SV2B: variants seen among roughly 807,000 people sequenced by gnomAD.
SV2B encodes the protein synaptic vesicle glycoprotein 2B, also known as solute carrier family 22 member B2.
Under a neutral mutation model 73.9 loss-of-function variants are expected in SV2B, and 41 were observed. The observed-to-expected ratio is 0.56, with a 90% CI of 0.43 to 0.72. SV2B has a LOEUF of 0.72. Ranked by LOEUF, SV2B falls within the 30% of genes least tolerant of loss-of-function variation. The pLI, the probability that SV2B is intolerant of heterozygous loss-of-function variation, is 0.00. For missense variants in SV2B, 764 were observed against 857.8 expected, an observed-to-expected ratio of 0.89 and a Z score of 1.37; for synonymous variants, 314 against 314.2, an observed-to-expected ratio of 1.00 and a Z score of 0.01.
At chr15:91,199,523 C>G (rs550034656) in intron 1 of SV2B, among the ~76,000 whole-genome samples, 2 of 152,350 alleles carry the variant, frequency 1.3e-5, no homozygotes, top group East Asian at 3.9e-4. Context: ...TGCTAAAACA[C>G]AGCGCCTCTG....
intron 1 of SV2B, among the ~76,000 whole-genome samples, chr15:91,107,233 A>G (rs1392121490): frequency 6.6e-6 from 1 of 152,146 alleles, no homozygotes; most frequent in Non-Finnish European, 1.5e-5. Flanking sequence ...GCTAGGATGG[A>G]GCAGTGGGCT....
In SV2B at chr15:91,130,983, G is replaced by A. The variant is rs1202070512; in HGVS notation, c.-392+30620G>A. 6.6e-6 allele frequency among the ~76,000 whole-genome samples: 1 copy of A among 152,072 alleles called. No individual in the cohort carries two copies. Among genetic ancestry groups the A allele is most frequent in the South Asian group, 2.1e-4 (1 of 4,808 alleles). ...GGAGGGTGTGGGGCTGAGAGCAGTC[G>A]GGGGTTAGCCTTAGAAAAGGGTAGC... On this transcript the variant is annotated intron_variant, in intron 1 of 12. Coordinates refer to ENST00000394232, the MANE Select transcript of SV2B (RefSeq NM_001323032.3). The surrounding 1 kb of genome is among the most constrained non-coding windows in gnomAD (Gnocchi z 5.6).
At chr15:91,168,295 G>A (rs141817341) in intron 1 of SV2B, among the ~76,000 whole-genome samples, 1,144 of 81,178 alleles carry the variant, frequency 0.014, 15 homozygotes, top group African/African-American at 0.048. Flanking sequence ...GCAAAATGGT[G>A]AGATACGAGA....
chr15:91,210,482 C>T (rs1038327203), intron 1 of SV2B, among the ~76,000 whole-genome samples: 1 of 152,138 alleles, frequency 6.6e-6, no homozygotes, highest in Non-Finnish European at 1.5e-5. Flanking sequence ...AGGCTAAAGT[C>T]AGAGCAGAGG....
At chr15:91,173,288 G>A (rs1017250527) in intron 1 of SV2B, among the ~76,000 whole-genome samples, 20 of 152,200 alleles carry the variant, frequency 1.3e-4, no homozygotes, top group Non-Finnish European at 2.1e-4. Context: ...GGAGAGTGCA[G>A]GAGAAGGAGT....
intron 2 of SV2B, among the ~76,000 whole-genome samples, chr15:91,230,630 C>T (rs545270803): frequency 4.6e-4 from 70 of 152,202 alleles, no homozygotes; most frequent in Non-Finnish European, 4.0e-4. Flanking sequence ...TGCTTAGTGT[C>T]CAGGAGTTGG....
chr15:91,126,584 A>C (rs2042490026), intron 1 of SV2B, among the ~76,000 whole-genome samples: 1 of 152,228 alleles, frequency 6.6e-6, no homozygotes, highest in South Asian at 2.1e-4. Flanking sequence ...AATACCTCGG[A>C]TATATAGACA....
chr15:91,289,640 C>T lies in SV2B; in HGVS notation c.1828C>T (p.Leu610=). 6.2e-7 allele frequency: 1 copy of T among 1,614,044 alleles called. No homozygotes were observed. The highest frequency in any genetic ancestry group is 8.5e-7 in the Non-Finnish European group (1 of 1,180,044). ...CGTSIAAWNA[L]DVITVELYPT... is the part of the protein sequence containing the mutation. ...GACAAGCATTGCAGCCTGGAATGCT[C>T]TGGATGTGATCACAGTGGAGCTGTA... Residue 610 remains leucine (L), a synonymous_variant, in exon 12 of 13, where the codon CTG becomes TTG. Transcript: ENST00000394232. The surrounding 1 kb of genome is among the most constrained non-coding windows in gnomAD (Gnocchi z 4.9).
intron 1 of SV2B, among the ~76,000 whole-genome samples, chr15:91,219,286 G>A (rs1349710448): frequency 1.3e-5 from 2 of 152,170 alleles, no homozygotes; most frequent in African/African-American, 4.8e-5. Flanking sequence ...AGATTGGACA[G>A]AGCCTGGTGA....
chr15:91,257,906 C>T (rs1347425827), intron 4 of SV2B, among the ~76,000 whole-genome samples: 1 of 152,164 alleles, frequency 6.6e-6, no homozygotes, highest in Non-Finnish European at 1.5e-5. Context: ...CCACGCATGT[C>T]TGCATGAGGT....
Position 91,289,827 on chromosome 15 carries a change from C to T in SV2B, c.1868+147C>T. Reference sequence around the variant, plus strand: ...AAACATCTTTTATGTTGAGCTTCTCCTGCATGGTGGATGGCATAGACCTGA... The same window carrying T: ...AAACATCTTTTATGTTGAGCTTCTCTTGCATGGTGGATGGCATAGACCTGA... On this transcript the variant is annotated intron_variant, in intron 12 of 12. Coordinates refer to ENST00000394232, the MANE Select transcript of SV2B (RefSeq NM_001323032.3). This position sits in a 1 kb window ranked among gnomAD's most constrained non-coding sequence, Gnocchi z 4.9. 5.1e-6 allele frequency: 5 copies of T among 986,646 alleles called. No individual in the cohort carries two copies. The highest frequency in any genetic ancestry group is 7.3e-6 in the Non-Finnish European group (5 of 685,594). 61.1% of individuals were successfully genotyped at this position (986,646 alleles called of 1,614,324 possible).
chr15:91,270,513 A>G (rs893112967), intron 9 of SV2B, among the ~76,000 whole-genome samples: 1 of 152,224 alleles, frequency 6.6e-6, no homozygotes, highest in Non-Finnish European at 1.5e-5. Context: ...CTTGACAACT[A>G]CAAATATTTT....
At chr15:91,260,197 C>A in intron 5 of SV2B, 123 bp from the exon 6 acceptor site, 1 of 821,846 alleles carries the variant, frequency 1.2e-6, no homozygotes, top group Non-Finnish European at 1.9e-6. Flanking sequence ...GTGCAATTGC[C>A]TCAGACCTGC....
In SV2B at chr15:91,258,619, C is replaced by T. The variant is rs1439404241; in HGVS notation, c.918+65C>T. ...CAGCCACAGGAACCCAGCCTCGCTT[C>T]CTTCTCTCAGCTCCTAGTCCCACAT... On this transcript the variant is annotated intron_variant, in intron 5 of 12. Coordinates refer to ENST00000394232, the MANE Select transcript of SV2B (RefSeq NM_001323032.3). The surrounding 1 kb of genome is among the most constrained non-coding windows in gnomAD (Gnocchi z 4.7). 4 of 1,605,136 alleles carry T rather than the reference C, an allele frequency of 2.5e-6. No individual in the cohort carries two copies. Among genetic ancestry groups the T allele is most frequent in the Admixed American group, 3.4e-5 (2 of 59,328 alleles).
Position 91,294,706 on chromosome 15 carries a change from G to A in SV2B, c.*2154G>A, listed in dbSNP as rs2049161647. ...AAAACTTGCAGGACAGTTAGAGCCTGCATTTCTAGTTAAGATGGATCTTGT... is the reference window on the plus strand; with the variant it reads ...AAAACTTGCAGGACAGTTAGAGCCTACATTTCTAGTTAAGATGGATCTTGT... On this transcript the variant is annotated 3_prime_UTR_variant, in exon 13 of 13. Transcript: ENST00000394232. The surrounding 1 kb of genome is among the most constrained non-coding windows in gnomAD (Gnocchi z 4.1). 1 of 152,194 alleles carries A rather than the reference G, an allele frequency of 6.6e-6. No individual in the cohort carries two copies. Among genetic ancestry groups the A allele is most frequent in the African/African-American group, 2.4e-5 (1 of 41,436 alleles). The allele number at this position is 152,194 out of a possible 1,614,324, so 9.4% of individuals were successfully genotyped here.
intron 1 of SV2B, among the ~76,000 whole-genome samples, chr15:91,158,705 TCTCCTCTCCTCTC>T (rs2043594630): frequency 1.2e-5 from 1 of 85,682 alleles, no homozygotes; most frequent in African/African-American, 4.6e-5. Context: ...TCTTCTCTCC[TCTCCTCTCCTCTC>T]CTCTCCTCTC....
intron 1 of SV2B, among the ~76,000 whole-genome samples, chr15:91,101,523 G>C (rs1264116730): frequency 6.6e-6 from 1 of 152,166 alleles, no homozygotes; most frequent in African/African-American, 2.4e-5. Flanking sequence ...ACACCTGGTA[G>C]GGGGAGAAGC....
rs73517621 is a variant in SV2B at position 91,229,064 on chromosome 15, A to G, written c.451+2350A>G. Among the ~76,000 whole-genome samples the G allele has an allele frequency of 5.0e-3, 769 of 152,334 alleles. 6 individuals are homozygous for G. The highest frequency in any genetic ancestry group is 0.018 in the African/African-American group (731 of 41,592). On this transcript the variant is annotated intron_variant, in intron 2 of 12. Coordinates refer to ENST00000394232, the MANE Select transcript of SV2B (RefSeq NM_001323032.3). This position sits in a 1 kb window ranked among gnomAD's most constrained non-coding sequence, Gnocchi z 4.3. ...AAGTCTATGCCCATTCTGCCACACCATACTGCCTTTCTCTCACGCCTCGTT... is the reference window on the plus strand; with the variant it reads ...AAGTCTATGCCCATTCTGCCACACCGTACTGCCTTTCTCTCACGCCTCGTT...
In SV2B at chr15:91,126,337, G is replaced by T. The variant is rs559228892; in HGVS notation, c.-392+25974G>T. On this transcript the variant is annotated intron_variant, in intron 1 of 12. Coordinates refer to ENST00000394232, the MANE Select transcript of SV2B (RefSeq NM_001323032.3). The stretch of plus-strand genomic sequence containing the variant: ...TTGACTTCCTGTGTTGGTCTGATAG[G>T]AGGTGCTGATCATGCCAAGATGAGG... Among the ~76,000 whole-genome samples, 13 of 152,304 alleles carry T rather than the reference G, an allele frequency of 8.5e-5. No homozygotes were observed. The South Asian group carries it at 2.5e-3, about 29-fold the overall frequency.
Sources: allele counts gnomAD v4.1 joint callset (sites outside exome capture counted in the v4.1 genomes callset), GRCh38; gene constraint gnomAD v4.1.1; non-coding constraint Gnocchi (gnomAD v3.1); transcripts MANE v1.5; gene names NCBI Gene and HGNC (gene_info 2026-07-23, HGNC 2026-07-21).